ST3GAL1: variants seen among roughly 807,000 people sequenced by gnomAD.
ST3GAL1 encodes the protein CMP-N-acetylneuraminate-beta-galactosamide-alpha-2,3-sialyltransferase 1.
In ST3GAL1, 16 loss-of-function variants were observed where a neutral mutation model predicts 34.1. The observed-to-expected ratio is 0.47, with a 90% CI of 0.32 to 0.71. The LOEUF (loss-of-function observed/expected upper bound fraction) is 0.71. Among genes scored for constraint, ST3GAL1 ranks in the 30% least tolerant of loss-of-function variants. ST3GAL1 has a pLI of 0.04. For synonymous variants in ST3GAL1, 191 were observed against 184.7 expected (o/e 1.03, Z -0.28); for missense variants, 353 against 447.4 (o/e 0.79, Z 1.90).
chr8:133,556,718 A>T lies in ST3GAL1; in HGVS notation c.-581-10792T>A, dbSNP rs868115776. 3.3e-5 allele frequency among the ~76,000 whole-genome samples: 5 copies of T among 152,354 alleles called. No homozygotes were observed. The highest frequency in any genetic ancestry group is 6.8e-3 in the Middle Eastern group (2 of 294). On this transcript the variant is annotated intron_variant, in intron 1 of 9. Transcript: ENST00000522652. The surrounding 1 kb of genome is among the most constrained non-coding windows in gnomAD (Gnocchi z 8.9). ...AGCCATGGAAACCTTGCACCCAAGGACACGGCTGACATCATATAAAGTCTG... is the reference window on the plus strand; with the variant it reads ...AGCCATGGAAACCTTGCACCCAAGGTCACGGCTGACATCATATAAAGTCTG...
At position 133,463,574 on chromosome 8, in the gene ST3GAL1, C is replaced by T. The variant is rs1480992503; in HGVS notation, c.684-115G>A. On this transcript the variant is annotated intron_variant, in intron 7 of 9. Transcript: ENST00000522652. ...TGAAGCAGGCATAGCCTCTCCTGCC[C>T]CCCATAGCTTCCCTCAGGGACCCCC... The T allele has an allele frequency of 3.4e-6, 4 of 1,167,020 alleles. No individual in the cohort carries two copies. The African/African-American group carries it at 4.5e-5, about 13-fold the overall frequency. 72.3% of individuals were successfully genotyped at this position (1,167,020 alleles called of 1,614,324 possible). A position where few individuals can be genotyped will look rare whatever the true frequency, so the allele number is the denominator to read the frequency against.
At chr8:133,504,858 G>A (rs1177221203) in intron 2 of ST3GAL1, among the ~76,000 whole-genome samples, 2 of 152,168 alleles carry the variant, frequency 1.3e-5, no homozygotes, top group Non-Finnish European at 2.9e-5. Flanking sequence ...AAAGGAGTGA[G>A]GAGGACAAAC....
intron 1 of ST3GAL1, among the ~76,000 whole-genome samples, chr8:133,564,123 C>T (rs891330388): frequency 3.9e-5 from 6 of 152,086 alleles, no homozygotes; most frequent in African/African-American, 9.7e-5. Context: ...CAACAGCCAT[C>T]GACAAAACTA....
chr8:133,498,155 G>A (rs750995418), intron 3 of ST3GAL1, among the ~76,000 whole-genome samples: 1 of 152,206 alleles, frequency 6.6e-6, no homozygotes, highest in Non-Finnish European at 1.5e-5. Flanking sequence ...CTCGACAGTG[G>A]ACTGAATGTC....
rs1053827344 is a variant in ST3GAL1 at position 133,556,451 on chromosome 8, A to G, written c.-581-10525T>C. On this transcript the variant is annotated intron_variant, in intron 1 of 9. Transcript: ENST00000522652. This position sits in a 1 kb window ranked among gnomAD's most constrained non-coding sequence, Gnocchi z 8.9. ...GAGGAGTGAGATGCTGGCAGGCTGT[A>G]CAGCTGTCCTCTGGGCCCAGCATAT... is the stretch of plus-strand genomic sequence containing the variant. Among the ~76,000 whole-genome samples, 16 of 152,196 alleles carry G rather than the reference A, an allele frequency of 1.1e-4. No homozygotes were observed. The highest frequency in any genetic ancestry group is 3.9e-4 in the African/African-American group (16 of 41,462).
intron 2 of ST3GAL1, among the ~76,000 whole-genome samples, chr8:133,509,202 T>C (rs1817435537): frequency 6.6e-6 from 1 of 152,226 alleles, no homozygotes; most frequent in Non-Finnish European, 1.5e-5. Context: ...TGAATGAAAT[T>C]TAAAGCACAG....
chr8:133,509,312 G>A (rs1353195286), intron 2 of ST3GAL1, among the ~76,000 whole-genome samples: 1 of 152,214 alleles, frequency 6.6e-6, no homozygotes, highest in Non-Finnish European at 1.5e-5. Context: ...TCCATCACTG[G>A]GAAAGTTCTA....
rs1265003972 is a variant in ST3GAL1, at chr8:133,467,878, G to T, written c.307-1788C>A. ...TTAAACCCAGGCAGCCTCTCCTCTG[G>T]CTTAAGACCGTTAGACACGTCATGG... On this transcript the variant is annotated intron_variant, in intron 5 of 9. Coordinates refer to ENST00000522652, the MANE Select transcript of ST3GAL1 (RefSeq NM_173344.3). This position sits in a 1 kb window ranked among gnomAD's most constrained non-coding sequence, Gnocchi z 4.2. Among the ~76,000 whole-genome samples the T allele has an allele frequency of 6.6e-6, 1 of 152,146 alleles. No individual in the cohort carries two copies. The highest frequency in any genetic ancestry group is 6.5e-5 in the Admixed American group (1 of 15,274).
At chr8:133,558,766 T>G (rs1445698504) in intron 1 of ST3GAL1, among the ~76,000 whole-genome samples, 2 of 152,222 alleles carry the variant, frequency 1.3e-5, no homozygotes, top group Non-Finnish European at 2.9e-5. Context: ...TTGTTTGGAT[T>G]TCTGACATTG....
chr8:133,566,612 C>T (rs974756612), intron 1 of ST3GAL1, among the ~76,000 whole-genome samples: 3 of 152,284 alleles, frequency 2.0e-5, no homozygotes, highest in Non-Finnish European at 2.9e-5. Context: ...CTCACTCAGC[C>T]GGCCTGGATA....
Position 133,467,274 on chromosome 8 carries a change from C to T in ST3GAL1, c.307-1184G>A, listed in dbSNP as rs544823184. Among the ~76,000 whole-genome samples the T allele has an allele frequency of 6.6e-6, 1 of 152,150 alleles. No homozygotes were observed. The highest frequency in any genetic ancestry group is 2.1e-4 in the South Asian group (1 of 4,824). On this transcript the variant is annotated intron_variant, in intron 5 of 9. Coordinates refer to ENST00000522652, the MANE Select transcript of ST3GAL1 (RefSeq NM_173344.3). This position sits in a 1 kb window ranked among gnomAD's most constrained non-coding sequence, Gnocchi z 4.2. ...TCCCTATTGGCCCCCGGTGGTTTCA[C>T]TATTGGCCCCCGCTGCATGCCCAGG...
chr8:133,505,818 G>A (rs1337714819), intron 2 of ST3GAL1, among the ~76,000 whole-genome samples: 1 of 152,150 alleles, frequency 6.6e-6, no homozygotes, highest in Admixed American at 6.5e-5. Context: ...GGCCAGGCTA[G>A]TCTCGAACTC....
In ST3GAL1 at chr8:133,476,409, C is replaced by G. The variant is rs1001957402; in HGVS notation, c.-182G>C. ...AGGGGTCATTAATCTCTGTGACAGT[C>G]CAGGGTCCCTCAGGAGCGAGGACCT... On this transcript the variant is annotated 5_prime_UTR_variant, in exon 4 of 10. Coordinates refer to ENST00000522652, the MANE Select transcript of ST3GAL1 (RefSeq NM_173344.3). 6.1e-6 allele frequency: 1 copy of G among 163,900 alleles called. No homozygotes were observed. The highest frequency in any genetic ancestry group is 2.5e-5 in the African/African-American group (1 of 40,160). The allele number at this position is 163,900 out of a possible 1,614,324, so 10.2% of individuals were successfully genotyped here. A position where few individuals can be genotyped will look rare whatever the true frequency, so the allele number is the denominator to read the frequency against.
chr8:133,476,130 G>T, intron 4 of ST3GAL1, 56 bp from the exon 5 acceptor site: 1 of 1,289,664 alleles, frequency 7.8e-7, no homozygotes, highest in Non-Finnish European at 1.1e-6. Flanking sequence ...CAATCAAAAG[G>T]GATGGCAGGA....
At chr8:133,533,654 T>C (rs1449972678) in intron 2 of ST3GAL1, among the ~76,000 whole-genome samples, 1 of 152,218 alleles carries the variant, frequency 6.6e-6, no homozygotes, top group Non-Finnish European at 1.5e-5. Flanking sequence ...ACCTTTGTAC[T>C]GCTCCCTGTC....
At chr8:133,496,052 G>A (rs561813330) in intron 3 of ST3GAL1, among the ~76,000 whole-genome samples, 2 of 152,288 alleles carry the variant, frequency 1.3e-5, no homozygotes, top group Non-Finnish European at 2.9e-5. Context: ...ATGATGATGG[G>A]CTTGCTGGTC....
chr8:133,509,595 C>T (rs1050069384), intron 2 of ST3GAL1, among the ~76,000 whole-genome samples: 2 of 152,216 alleles, frequency 1.3e-5, no homozygotes, highest in African/African-American at 4.8e-5. Flanking sequence ...GGAGCTCAGG[C>T]GGAGGGACAT....
chr8:133,539,424 G>A (rs1191308042), intron 2 of ST3GAL1, among the ~76,000 whole-genome samples: 6 of 152,138 alleles, frequency 3.9e-5, no homozygotes, highest in African/African-American at 9.7e-5. Context: ...GGAAGCTGAC[G>A]CTCCAGCCCC....
rs374749898 is a variant in ST3GAL1 at position 133,461,998 on chromosome 8, C to G, written c.730-4G>C. 1.2e-6 allele frequency: 2 copies of G among 1,613,888 alleles called. No homozygotes were observed. The highest frequency in any genetic ancestry group is 1.7e-5 in the Admixed American group (1 of 60,006). On this transcript the variant is annotated splice_region_variant and splice_polypyrimidine_tract_variant and intron_variant, in intron 8 of 9. Transcript: ENST00000522652. The surrounding 1 kb of genome is among the most constrained non-coding windows in gnomAD (Gnocchi z 4.7). ...AGGCTGGGTGGTAGATCAGGATCTGCGGGGATGGGAAGACACGGCCCTTAG... is the reference window on the plus strand; with the variant it reads ...AGGCTGGGTGGTAGATCAGGATCTGGGGGGATGGGAAGACACGGCCCTTAG...
Sources: gnomAD v4.1 joint callset for allele counts (sites outside exome capture counted in the v4.1 genomes callset) on GRCh38, gnomAD v4.1.1 for gene constraint, Gnocchi (gnomAD v3.1) non-coding constraint, MANE v1.5 for transcripts, NCBI Gene and HGNC (gene_info 2026-07-23, HGNC 2026-07-21) for gene names.